Variants in DNAI4 observed in about 807,000 individuals in gnomAD.
The protein encoded by DNAI4 is dynein axonemal intermediate chain 4.
A neutral mutation model predicts 105.8 loss-of-function variants in DNAI4; 85 were observed. The observed-to-expected ratio is 0.80, with a 90% CI of 0.67 to 0.96. The LOEUF (loss-of-function observed/expected upper bound fraction) is 0.96, where lower values mean the gene tolerates loss of function less well. DNAI4 is among the 40% of genes least tolerant of loss of function. The pLI is 0.00. For missense variants in DNAI4, 1,014 were observed against 1,005.6 expected (o/e 1.01, Z -0.11); for synonymous variants, 352 against 331.5 (o/e 1.06, Z -0.67).
chr1:66,894,422 T>A (rs972081024), intron 2 of DNAI4, among the ~76,000 whole-genome samples: 15 of 152,340 alleles, frequency 9.8e-5, no homozygotes, highest in African/African-American at 2.9e-4. Flanking sequence ...TTCAGTTGTA[T>A]GAGCTGCAAA....
At chr1:66,908,613 A>G (rs1485285417) in intron 1 of DNAI4, among the ~76,000 whole-genome samples, 2 of 152,172 alleles carry the variant, frequency 1.3e-5, no homozygotes, top group African/African-American at 4.8e-5. Flanking sequence ...ATGACTTCCT[A>G]TCTATTAGAC....
chr1:66,892,408 GCTGAAGAAAC>G (rs1181064174), intron 3 of DNAI4, among the ~76,000 whole-genome samples: 1 of 152,198 alleles, frequency 6.6e-6, no homozygotes. Context: ...CTCAAAAGAA[GCTGAAGAAAC>G]CTGAAGAAAA....
At chr1:66,818,643 G>T (rs1017915580) in intron 16 of DNAI4, among the ~76,000 whole-genome samples, 1 of 152,218 alleles carries the variant, frequency 6.6e-6, no homozygotes, top group Non-Finnish European at 1.5e-5. Flanking sequence ...AATTGGCCAG[G>T]TGCGGTGGCT....
At chr1:66,880,469 G>A (rs1647045503) in intron 4 of DNAI4, among the ~76,000 whole-genome samples, 1 of 152,138 alleles carries the variant, frequency 6.6e-6, no homozygotes, top group African/African-American at 2.4e-5. Context: ...GGAAATGAAG[G>A]GCTCGTTGGG....
chr1:66,909,777 C>T lies in DNAI4; in HGVS notation c.171-4402G>A, dbSNP rs536390707. Among the ~76,000 whole-genome samples, 3 of 152,154 alleles carry T rather than the reference C, an allele frequency of 2.0e-5. No individual in the cohort carries two copies. The East Asian group carries it at 5.8e-4, about 29-fold the overall frequency. ...ACATTAACCTCCACCACCACCACCA[C>T]CACATCACCCTCACCCCATCCAGCA... is the stretch of plus-strand genomic sequence containing the variant. On this transcript the variant is annotated intron_variant, in intron 1 of 16. Coordinates refer to ENST00000371026, the MANE Select transcript of DNAI4 (RefSeq NM_024763.5).
intron 13 of DNAI4, among the ~76,000 whole-genome samples, chr1:66,829,904 A>G (rs985479673): frequency 5.3e-5 from 8 of 152,344 alleles, no homozygotes; most frequent in Admixed American, 1.3e-4. Flanking sequence ...GAAATTGGTA[A>G]CAGAAAGAAC....
chr1:66,822,294 C>A, intron 16 of DNAI4, 67 bp downstream of exon 16: 1 of 1,342,130 alleles, frequency 7.5e-7, no homozygotes, highest in South Asian at 1.7e-5. Flanking sequence ...AAATCCTTTG[C>A]ATGCTACAAA....
chr1:66,814,101 A>G lies in DNAI4; in HGVS notation c.*29T>C. ...GGATGTTAATTCCTTTTTTAAAACA[A>G]CTACAAGAAAAATATTAGGAATGAT... On this transcript the variant is annotated 3_prime_UTR_variant, in exon 17 of 17. Coordinates refer to ENST00000371026, the MANE Select transcript of DNAI4 (RefSeq NM_024763.5). 1.3e-6 allele frequency: 2 copies of G among 1,571,292 alleles called. No homozygotes were observed.
chr1:66,849,400 G>A lies in DNAI4; in HGVS notation c.1097-1722C>T, dbSNP rs544427772. On this transcript the variant is annotated intron_variant, in intron 7 of 16. Coordinates refer to ENST00000371026, the MANE Select transcript of DNAI4 (RefSeq NM_024763.5). ...TCCCGCCTGGAAATAATCAGGCAGT[G>A]ACTCCCACTTTCCCCTGCCAGAACA... Among the ~76,000 whole-genome samples, 16 of 152,304 alleles carry A rather than the reference G, an allele frequency of 1.1e-4. 1 individual carries two copies. The South Asian group carries it at 3.3e-3, about 32-fold the overall frequency.
chr1:66,921,974 T>A (rs557801706), intron 1 of DNAI4, among the ~76,000 whole-genome samples: 7 of 150,812 alleles, frequency 4.6e-5, no homozygotes, highest in Non-Finnish European at 1.0e-4. Context: ...CACGGATCAC[T>A]ACAACATCAC....
chr1:66,864,033 A>AATAC (rs1374054239), intron 6 of DNAI4, among the ~76,000 whole-genome samples: 4 of 152,222 alleles, frequency 2.6e-5, no homozygotes, highest in Admixed American at 2.6e-4. Context: ...TACATAAATA[A>AATAC]ATACGCCTAT....
Position 66,924,784 on chromosome 1 carries a change from T to C in DNAI4, c.48A>G (p.Gly16=), listed in dbSNP as rs771109477. The C allele has an allele frequency of 1.9e-6, 3 of 1,614,162 alleles. No homozygotes were observed. Among genetic ancestry groups the C allele is most frequent in the Admixed American group, 3.3e-5 (2 of 60,032 alleles). The part of the protein sequence containing the change: ...HSGASARAAN[G]GAWGYRDFRG... ...TGAAGTCCCTGTACCCCCAAGCTCC[T>C]CCGTTAGCGGCTCGGGCCGAGGCTC... The change falls in exon 1 of 17, where the codon GGA becomes GGG. Residue 16 remains glycine (G), a synonymous_variant. Transcript: ENST00000371026.
intron 4 of DNAI4, among the ~76,000 whole-genome samples, chr1:66,884,307 A>C (rs1647145080): frequency 6.6e-6 from 1 of 152,188 alleles, no homozygotes; most frequent in Non-Finnish European, 1.5e-5. Flanking sequence ...AGTCAGAGAA[A>C]TTGATTTCAA....
At chr1:66,826,789 T>TG (rs1170693820) in intron 15 of DNAI4, 31 bp downstream of exon 15, 2 of 1,442,242 alleles carry the variant, frequency 1.4e-6, no homozygotes, top group Non-Finnish European at 1.9e-6. Context: ...CTGCTTCTAC[T>TG]AAAATTTATG....
At chr1:66,839,701 T>G (rs1449936534) in intron 9 of DNAI4, among the ~76,000 whole-genome samples, 3 of 152,182 alleles carry the variant, frequency 2.0e-5, no homozygotes, top group Non-Finnish European at 4.4e-5. Context: ...TAATTATCTC[T>G]TTTTTACAAC....
chr1:66,923,557 TAAACCCGACC>T (rs1650736694), intron 1 of DNAI4, among the ~76,000 whole-genome samples: 1 of 152,200 alleles, frequency 6.6e-6, no homozygotes, highest in Non-Finnish European at 1.5e-5. Flanking sequence ...CGAGAAGCGA[TAAACCCGACC>T]GACACTGCTT....
At chr1:66,824,586 G>T (rs1645708847) in intron 15 of DNAI4, among the ~76,000 whole-genome samples, 1 of 151,266 alleles carries the variant, frequency 6.6e-6, no homozygotes, top group Non-Finnish European at 1.5e-5. Context: ...TTATTTCCTT[G>T]AGCAGTGGTT....
chr1:66,915,361 G>C (rs1269764617), intron 1 of DNAI4, among the ~76,000 whole-genome samples: 2 of 152,230 alleles, frequency 1.3e-5, no homozygotes, highest in Non-Finnish European at 2.9e-5. Flanking sequence ...AACAAGGACA[G>C]CTTGGAGGTT....
At chr1:66,822,319 G>T in intron 16 of DNAI4, 42 bp downstream of exon 16, 1 of 1,524,974 alleles carries the variant, frequency 6.6e-7, no homozygotes, top group South Asian at 1.3e-5. Flanking sequence ...TAACTGAATA[G>T]ACTAATAAAA....
Sources: gnomAD v4.1 joint callset for allele counts (sites outside exome capture counted in the v4.1 genomes callset) on GRCh38, gnomAD v4.1.1 for gene constraint, MANE v1.5 for transcripts, NCBI Gene and HGNC (gene_info 2026-07-23, HGNC 2026-07-21) for gene names.